Variants in NKAIN3 observed in about 807,000 individuals in gnomAD.
The protein encoded by NKAIN3 is sodium/potassium transporting ATPase interacting 3.
In NKAIN3, 25 loss-of-function variants were observed where a neutral mutation model predicts 30.2. The observed-to-expected ratio is 0.83, with a 90% CI of 0.60 to 1.16. The LOEUF is 1.16. NKAIN3 is among the 50% of genes most tolerant of loss of function. The pLI is 0.00. For missense variants in NKAIN3, 225 were observed against 254.1 expected (o/e 0.89, Z 0.78); for synonymous variants, 91 against 89.6 (o/e 1.02, Z -0.09).
chr8:62,634,650 T>C (rs1253117923), intron 3 of NKAIN3, among the ~76,000 whole-genome samples: 4 of 152,092 alleles, frequency 2.6e-5, no homozygotes, highest in Non-Finnish European at 5.9e-5. Context: ...TGGGCCCTGG[T>C]GGGGCTCTGC....
rs956801385 is a variant in NKAIN3, at chr8:62,981,493, G to C, written c.*16086G>C. 2 of 152,118 alleles carry C rather than the reference G, an allele frequency of 1.3e-5. No homozygotes were observed. Among genetic ancestry groups the C allele is most frequent in the African/African-American group, 4.8e-5 (2 of 41,432 alleles). 9.4% of individuals were successfully genotyped at this position (152,118 alleles called of 1,614,324 possible). The stretch of plus-strand genomic sequence containing the variant: ...CTGAAAGGAATTAATATCCACATCA[G>C]TTCCTAAAGCAAAATGCCTGACACA... On this transcript the variant is annotated 3_prime_UTR_variant, in exon 7 of 7. Transcript: ENST00000623646.
At chr8:62,671,806 T>A (rs1231296484) in intron 3 of NKAIN3, among the ~76,000 whole-genome samples, 2 of 152,102 alleles carry the variant, frequency 1.3e-5, no homozygotes, top group African/African-American at 4.8e-5. Context: ...TTAGGATAGC[T>A]TCCCACATAA....
intron 1 of NKAIN3, among the ~76,000 whole-genome samples, chr8:62,455,248 T>C (rs1313600424): frequency 6.6e-6 from 1 of 152,224 alleles, no homozygotes; most frequent in Non-Finnish European, 1.5e-5. Flanking sequence ...GTCAAAGTAC[T>C]ATTCACATAG....
At chr8:62,265,182 G>A (rs953002194) in intron 1 of NKAIN3, among the ~76,000 whole-genome samples, 3 of 152,158 alleles carry the variant, frequency 2.0e-5, no homozygotes, top group African/African-American at 7.2e-5. Context: ...ATTTAAAACT[G>A]CTACCTCGGG....
intron 3 of NKAIN3, among the ~76,000 whole-genome samples, chr8:62,720,889 A>G (rs1815067657): frequency 1.3e-5 from 2 of 152,164 alleles, no homozygotes; most frequent in East Asian, 1.9e-4. Flanking sequence ...ACTTAACTGT[A>G]CTTTGGAGTT....
chr8:62,567,055 A>T (rs766469700), intron 1 of NKAIN3, among the ~76,000 whole-genome samples: 2 of 152,062 alleles, frequency 1.3e-5, no homozygotes, highest in Non-Finnish European at 2.9e-5. Flanking sequence ...AGTTAAGGCT[A>T]TGTTTCTTTA....
intron 1 of NKAIN3, among the ~76,000 whole-genome samples, chr8:62,549,443 C>T (rs1184739136): frequency 6.6e-6 from 1 of 151,982 alleles, no homozygotes; most frequent in Non-Finnish European, 1.5e-5. Context: ...AGAAGTATGG[C>T]CTTTCATCTT....
chr8:62,729,040 CAAA>C (rs1317282077), intron 3 of NKAIN3, among the ~76,000 whole-genome samples: 1 of 61,206 alleles, frequency 1.6e-5, no homozygotes, highest in Non-Finnish European at 3.0e-5. Flanking sequence ...AAAAAAAAAA[CAAA>C]AAAAAAAAAC....
chr8:62,272,430 C>T (rs1052726338), intron 1 of NKAIN3, among the ~76,000 whole-genome samples: 5 of 152,110 alleles, frequency 3.3e-5, no homozygotes, highest in Admixed American at 3.3e-4. Context: ...AATAATATCC[C>T]CAATGAGAAG....
chr8:62,449,864 G>A (rs190388190), intron 1 of NKAIN3, among the ~76,000 whole-genome samples: 5 of 152,200 alleles, frequency 3.3e-5, no homozygotes, highest in East Asian at 3.9e-4. Flanking sequence ...CTGGGATTAC[G>A]ATCAGTCAAC....
intron 4 of NKAIN3, among the ~76,000 whole-genome samples, chr8:62,806,799 T>C (rs564706614): frequency 1.3e-5 from 2 of 151,338 alleles, no homozygotes; most frequent in East Asian, 3.9e-4. Context: ...AAAGTTAAAG[T>C]ATAATAATAA....
chr8:62,501,875 C>A (rs1308352693), intron 1 of NKAIN3, among the ~76,000 whole-genome samples: 5 of 152,100 alleles, frequency 3.3e-5, no homozygotes, highest in Non-Finnish European at 5.9e-5. Context: ...AACAATATAC[C>A]TATGCTAAGT....
intron 1 of NKAIN3, among the ~76,000 whole-genome samples, chr8:62,252,835 G>A (rs1019742013): frequency 1.3e-5 from 2 of 152,166 alleles, no homozygotes; most frequent in East Asian, 3.8e-4. Context: ...TACATAAAAA[G>A]AAGCACTTGA....
In NKAIN3 at chr8:62,983,366, A is replaced by G. The variant is rs1824126976; in HGVS notation, c.*17959A>G. On this transcript the variant is annotated 3_prime_UTR_variant, in exon 7 of 7. Transcript: ENST00000623646. ...AAGCCGGGCTCTGATAGGAGGTGCC[A>G]GTGCTTTTCTTCTTCCAGTTTCAGA... The G allele has an allele frequency of 6.6e-6, 1 of 152,160 alleles. No individual in the cohort carries two copies. The highest frequency in any genetic ancestry group is 2.4e-5 in the African/African-American group (1 of 41,414). 9.4% of individuals were successfully genotyped at this position (152,160 alleles called of 1,614,324 possible). A position where few individuals can be genotyped will look rare whatever the true frequency, so the allele number is the denominator to read the frequency against.
At chr8:62,400,163 C>CTT (rs71255333) in intron 1 of NKAIN3, among the ~76,000 whole-genome samples, 190 of 122,238 alleles carry the variant, frequency 1.6e-3, no homozygotes, top group Middle Eastern at 4.9e-3. Flanking sequence ...GCTATATTTT[C>CTT]TTTTTTTTTT....
chr8:62,417,383 A>G (rs142746873), intron 1 of NKAIN3, among the ~76,000 whole-genome samples: 1 of 152,196 alleles, frequency 6.6e-6, no homozygotes, highest in East Asian at 1.9e-4. Context: ...GTTGATGGAC[A>G]CAAGTTGCTT....
chr8:62,598,676 T>C (rs1810907019), intron 3 of NKAIN3, among the ~76,000 whole-genome samples: 1 of 151,936 alleles, frequency 6.6e-6, no homozygotes, highest in African/African-American at 2.4e-5. Flanking sequence ...TCTAACTGTC[T>C]CCTCTCTCTA....
chr8:62,793,867 A>C (rs993506539), intron 4 of NKAIN3, among the ~76,000 whole-genome samples: 5 of 152,298 alleles, frequency 3.3e-5, no homozygotes, highest in African/African-American at 1.2e-4. Flanking sequence ...TACATTAATT[A>C]ATTCCTAACA....
chr8:62,909,569 A>T (rs1251091749), intron 4 of NKAIN3, among the ~76,000 whole-genome samples: 1 of 152,174 alleles, frequency 6.6e-6, no homozygotes, highest in Non-Finnish European at 1.5e-5. Flanking sequence ...GACTATTTAA[A>T]TTCAAATTCT....
Sources: allele counts gnomAD v4.1 joint callset (sites outside exome capture counted in the v4.1 genomes callset), GRCh38; gene constraint gnomAD v4.1.1; transcripts MANE v1.5; gene names NCBI Gene and HGNC (gene_info 2026-07-23, HGNC 2026-07-21).